DOCK8: variants seen among roughly 807,000 people sequenced by gnomAD.
The protein encoded by DOCK8 is dedicator of cytokinesis 8.
In DOCK8, 141 loss-of-function variants were observed where a neutral mutation model predicts 245.6. The ratio of observed to expected loss-of-function variants is 0.57; its 90% CI spans 0.50 to 0.66. The LOEUF is 0.66. Ranked by LOEUF, DOCK8 falls within the 30% of genes least tolerant of loss-of-function variation. The pLI is 0.00. For missense variants in DOCK8, 2,965 were observed against 2,603.4 expected (o/e 1.14, Z -3.02); for synonymous variants, 1,168 against 970.2 (o/e 1.20, Z -3.79).
At chr9:394,519 G>A (rs571518033) in intron 24 of DOCK8, among the ~76,000 whole-genome samples, 32 of 152,342 alleles carry the variant, frequency 2.1e-4, no homozygotes, top group African/African-American at 6.3e-4. Context: ...CTCTAGTTGT[G>A]TCAGTGCCCA....
chr9:295,323 C>G (rs995428716), intron 4 of DOCK8, among the ~76,000 whole-genome samples: 2 of 152,014 alleles, frequency 1.3e-5, no homozygotes, highest in Non-Finnish European at 2.9e-5. Context: ...ACGGGAGTGC[C>G]CTTTGCGTGG....
At chr9:405,119 A>T in intron 27 of DOCK8, 46 bp downstream of exon 27, 2 of 1,552,418 alleles carry the variant, frequency 1.3e-6, no homozygotes, top group Non-Finnish European at 1.8e-6. Flanking sequence ...AAGCTATTTC[A>T]TTTAACTAGC....
chr9:296,195 T>C (rs1467643961), intron 4 of DOCK8, among the ~76,000 whole-genome samples: 1 of 152,196 alleles, frequency 6.6e-6, no homozygotes, highest in Non-Finnish European at 1.5e-5. Flanking sequence ...CCATGTTTGC[T>C]TGTTTGTCCA....
In DOCK8 at chr9:377,130, C is replaced by G; in HGVS notation, c.2359C>G (p.Pro787Ala). The G allele has an allele frequency of 3.7e-6, 6 of 1,609,374 alleles. No individual in the cohort carries two copies. The highest frequency in any genetic ancestry group is 5.1e-6 in the Non-Finnish European group (6 of 1,179,908). The change falls in exon 20 of 48, where the codon CCG becomes GCG. Residue 787 changes from proline to alanine, a missense_variant. Coordinates refer to ENST00000432829, the MANE Select transcript of DOCK8 (RefSeq NM_203447.4). ...CTGCCTGAACTCCTCCCGCCTGGAG[C>G]CGCTCGTGCTCTTCCTGCACCTGGT... ...IICLNSSRLE[P>A]LVLFLHLVLD...
intron 38 of DOCK8, among the ~76,000 whole-genome samples, chr9:434,269 A>G (rs188818419): frequency 1.3e-5 from 2 of 152,208 alleles, no homozygotes; most frequent in Non-Finnish European, 2.9e-5. Context: ...ATTAACTGTT[A>G]TAGGAATTAT....
intron 14 of DOCK8, among the ~76,000 whole-genome samples, chr9:353,878 T>C (rs1000479590): frequency 2.6e-5 from 4 of 152,224 alleles, no homozygotes; most frequent in African/African-American, 9.7e-5. Flanking sequence ...ATTCTTCTTA[T>C]TATCTGACCT....
In DOCK8 at chr9:298,967, C is replaced by G. The variant is rs539793910; in HGVS notation, c.405-5614C>G. Among the ~76,000 whole-genome samples the G allele has an allele frequency of 2.0e-5, 3 of 150,260 alleles. No homozygotes were observed. The East Asian group carries it at 5.8e-4, about 29-fold the overall frequency. ...TTGAATTTTAATTAACTGTTTGTTT[C>G]AATGTTAGGATAAATTAATGTTAGA... On this transcript the variant is annotated intron_variant, in intron 4 of 47. Coordinates refer to ENST00000432829, the MANE Select transcript of DOCK8 (RefSeq NM_203447.4).
At chr9:334,465 G>C in intron 11 of DOCK8, 81 bp downstream of exon 11, 1 of 1,492,118 alleles carries the variant, frequency 6.7e-7, no homozygotes, top group Non-Finnish European at 9.1e-7. Flanking sequence ...GCGGGGACTG[G>C]GGGCACAGTG....
chr9:428,351 C>G lies in DOCK8; in HGVS notation c.4339-11C>G, dbSNP rs2056576624. On this transcript the variant is annotated splice_polypyrimidine_tract_variant and intron_variant, in intron 34 of 47. Transcript: ENST00000432829. The stretch of plus-strand genomic sequence containing the variant: ...CAGGGATTCAATGATGCTGTTCTTC[C>G]ATTCCCCCAGGCGAGCTCGGCTCTG... 1 of 1,613,940 alleles carries G rather than the reference C, an allele frequency of 6.2e-7. No homozygotes were observed. The highest frequency in any genetic ancestry group is 1.3e-5 in the African/African-American group (1 of 74,896).
intron 5 of DOCK8, among the ~76,000 whole-genome samples, chr9:308,626 A>G (rs189649760): frequency 1.3e-5 from 2 of 152,314 alleles, no homozygotes; most frequent in African/African-American, 4.8e-5. Context: ...TATTAGCAAT[A>G]TACTGTGATT....
At chr9:354,354 C>T (rs2052323520) in intron 14 of DOCK8, among the ~76,000 whole-genome samples, 1 of 152,226 alleles carries the variant, frequency 6.6e-6, no homozygotes, top group Admixed American at 6.5e-5. Context: ...GTCCTTAGAC[C>T]AGGAGGTCCA....
intron 14 of DOCK8, among the ~76,000 whole-genome samples, chr9:345,835 G>C (rs565032029): frequency 1.3e-5 from 2 of 152,124 alleles, no homozygotes; most frequent in Admixed American, 1.3e-4. Context: ...CCTTATTCAA[G>C]TTTCTTTAAG....
chr9:309,113 G>C (rs370254014), intron 5 of DOCK8, among the ~76,000 whole-genome samples: 1 of 152,118 alleles, frequency 6.6e-6, no homozygotes, highest in East Asian at 1.9e-4. Flanking sequence ...TTGCACACTT[G>C]CCAGTTATAC....
intron 14 of DOCK8, among the ~76,000 whole-genome samples, chr9:354,916 G>A (rs553376471): frequency 2.6e-4 from 39 of 152,228 alleles, no homozygotes; most frequent in African/African-American, 8.9e-4. Context: ...GACAAACGTC[G>A]TATTGACTTT....
chr9:326,746 T>C (rs183449859), intron 8 of DOCK8, among the ~76,000 whole-genome samples: 4 of 152,310 alleles, frequency 2.6e-5, no homozygotes, highest in Non-Finnish European at 5.9e-5. Flanking sequence ...CAAATTACTC[T>C]TGTCACTGCC....
Position 446,460 on chromosome 9 carries a change from C to T in DOCK8, c.5671C>T (p.Arg1891Trp), listed in dbSNP as rs144951842. The T allele has an allele frequency of 1.1e-4, 177 of 1,614,082 alleles. No homozygotes were observed. Among genetic ancestry groups the T allele is most frequent in the Non-Finnish European group, 1.4e-4 (162 of 1,180,028 alleles). The change falls in exon 44 of 48, where the codon CGG becomes TGG. Residue 1891 changes from arginine to tryptophan, a missense_variant. Arg to Trp is a moderately radical substitution (Grantham distance 101). Around this residue, in one of 3 missense-constraint regions of DOCK8, gnomAD observed 2,825 missense variants for 2,453.5 expected, o/e 1.15. Coordinates refer to ENST00000432829, the MANE Select transcript of DOCK8 (RefSeq NM_203447.4). ...VTYFEKNFNL[R>W]RFMYTTPFTL... Reference sequence around the variant, plus strand: ...ATACTTTGAGAAGAATTTCAACCTCCGGAGGTTCATGTACACCACCCCGTT... The same window carrying T: ...ATACTTTGAGAAGAATTTCAACCTCTGGAGGTTCATGTACACCACCCCGTT...
At chr9:345,250 G>C (rs1025533745) in intron 14 of DOCK8, among the ~76,000 whole-genome samples, 2 of 152,196 alleles carry the variant, frequency 1.3e-5, no homozygotes, top group Non-Finnish European at 2.9e-5. Context: ...CTGTGGGGCA[G>C]ATAAATTCAG....
At chr9:407,906 A>T (rs1405147105) in intron 28 of DOCK8, among the ~76,000 whole-genome samples, 1 of 152,180 alleles carries the variant, frequency 6.6e-6, no homozygotes, top group East Asian at 1.9e-4. Flanking sequence ...TAGGATTGCA[A>T]AGTAGTTGAG....
rs774289439 is a variant in DOCK8, at chr9:273,688, CT to C, written c.156+1975del. 4.0e-3 allele frequency among the ~76,000 whole-genome samples: 557 copies of C among 140,046 alleles called. 1 individual carries two copies. Among genetic ancestry groups the C allele is most frequent in the African/African-American group, 9.0e-3 (347 of 38,410 alleles). 91.9% of individuals were successfully genotyped at this position (140,046 alleles called of 152,430 possible). On this transcript the variant is annotated intron_variant, in intron 2 of 47. Coordinates refer to ENST00000432829, the MANE Select transcript of DOCK8 (RefSeq NM_203447.4). ...CTTTCTCTCCATACCAGCTTTTACTCTTTTTTTTTTTTTTTTGAGATGGAGT... is the reference window on the plus strand; with the variant it reads ...CTTTCTCTCCATACCAGCTTTTACTCTTTTTTTTTTTTTTTGAGATGGAGT...
Sources: allele counts gnomAD v4.1 joint callset (sites outside exome capture counted in the v4.1 genomes callset), GRCh38; gene constraint gnomAD v4.1.1; regional missense constraint gnomAD v4.1.1; transcripts MANE v1.5; gene names NCBI Gene and HGNC (gene_info 2026-07-23, HGNC 2026-07-21).